Variants in TMEM98 observed in about 807,000 individuals in gnomAD.
The protein encoded by TMEM98 is transmembrane protein 98.
In TMEM98, 18 loss-of-function variants were observed where a neutral mutation model predicts 25.0. The ratio of observed to expected loss-of-function variants is 0.72; its 90% CI spans 0.50 to 1.07. The LOEUF (loss-of-function observed/expected upper bound fraction) is 1.07, where lower values mean the gene tolerates loss of function less well. Ranked by LOEUF, TMEM98 falls within the 50% of genes least tolerant of loss-of-function variation. The pLI, the probability that TMEM98 is intolerant of heterozygous loss-of-function variation, is 0.00. For synonymous variants in TMEM98, 103 were observed against 112.4 expected, an observed-to-expected ratio of 0.92 and a Z score of 0.53; for missense variants, 241 against 289.0, an observed-to-expected ratio of 0.83 and a Z score of 1.20.
chr17:32,941,222 C>T lies in TMEM98; in HGVS notation c.*229C>T, dbSNP rs908019788. The T allele has an allele frequency of 2.3e-5, 10 of 442,050 alleles. No individual in the cohort carries two copies. The highest frequency in any genetic ancestry group is 1.4e-4 in the African/African-American group (7 of 50,692). 27.4% of individuals were successfully genotyped at this position (442,050 alleles called of 1,614,324 possible). ...CTACAGTTAGGGGAGATGCCATTCA[C>T]TCTCTGCAAGAGGAGTATTGAAAAC... On this transcript the variant is annotated 3_prime_UTR_variant, in exon 8 of 8. Coordinates refer to ENST00000579849, the MANE Select transcript of TMEM98 (RefSeq NM_015544.3).
intron 4 of TMEM98, 105 bp from the exon 5 acceptor site, chr17:32,934,186 T>G (rs2091483834): frequency 7.8e-7 from 1 of 1,284,038 alleles, no homozygotes; most frequent in Non-Finnish European, 1.1e-6. Context: ...GTGGTTGGTA[T>G]TGGGCTGTGC....
In TMEM98 at chr17:32,940,852, G is replaced by T. The variant is rs759666021; in HGVS notation, c.540G>T (p.Thr180=). 2 of 1,614,022 alleles carry T rather than the reference G, an allele frequency of 1.2e-6. No homozygotes were observed. Among genetic ancestry groups the T allele is most frequent in the East Asian group, 4.5e-5 (2 of 44,888 alleles). The change falls in exon 8 of 8, where the codon ACG becomes ACT. Residue 180 remains threonine (T), a synonymous_variant. Coordinates refer to ENST00000579849, the MANE Select transcript of TMEM98 (RefSeq NM_015544.3). The part of the protein sequence containing the change: ...VLVTRNACHL[T]GGLDWIDQSL... ...TGACAAGGAATGCCTGCCATCTGAC[G>T]GGAGGCCTGGACTGGATTGACCAGT...
At position 32,941,089 on chromosome 17, in the gene TMEM98, T is replaced by C; in HGVS notation, c.*96T>C. 9.0e-7 allele frequency: 1 copy of C among 1,115,880 alleles called. No homozygotes were observed. The highest frequency in any genetic ancestry group is 1.3e-6 in the Non-Finnish European group (1 of 794,606). The allele number at this position is 1,115,880 out of a possible 1,614,324, so 69.1% of individuals were successfully genotyped here. On this transcript the variant is annotated 3_prime_UTR_variant, in exon 8 of 8. Coordinates refer to ENST00000579849, the MANE Select transcript of TMEM98 (RefSeq NM_015544.3). ...CTTTTTCCTATAGAGTTAGTTGTTC[T>C]CCACGGCTGGAGAGTTCAGCTGTGT...
At position 32,933,277 on chromosome 17, in the gene TMEM98, G is replaced by A; in HGVS notation, c.235G>A (p.Glu79Lys). 6.2e-7 allele frequency: 1 copy of A among 1,614,174 alleles called. No homozygotes were observed. The highest frequency in any genetic ancestry group is 8.5e-7 in the Non-Finnish European group (1 of 1,180,018). Reference protein sequence around the residue: ...ITNPHIEAILENEDWIEDASG... With the variant: ...ITNPHIEAILKNEDWIEDASG... ...CAACCCCCACATTGAGGCCATTCTG[G>A]AGAATGAAGACTGGATCGAAGATGC... The change falls in exon 4 of 8, where the codon GAG becomes AAG. Residue 79 changes from glutamate to lysine, a missense_variant. Coordinates refer to ENST00000579849, the MANE Select transcript of TMEM98 (RefSeq NM_015544.3).
At chr17:32,931,852 CCTT>C (rs2091471529) in intron 3 of TMEM98, among the ~76,000 whole-genome samples, 193 bp downstream of exon 3, 1 of 152,156 alleles carries the variant, frequency 6.6e-6, no homozygotes, top group Non-Finnish European at 1.5e-5. Flanking sequence ...TGAGTCACCT[CCTT>C]CTCTGCTTCC....
At chr17:32,932,656 T>G (rs371934480) in intron 3 of TMEM98, among the ~76,000 whole-genome samples, 1 of 152,174 alleles carries the variant, frequency 6.6e-6, no homozygotes, top group African/African-American at 2.4e-5. Context: ...TACCCTGTTG[T>G]AAAATTGGAG....
chr17:32,938,184 C>T (rs531685003), intron 6 of TMEM98, among the ~76,000 whole-genome samples: 1 of 152,304 alleles, frequency 6.6e-6, no homozygotes, highest in Admixed American at 6.5e-5. Context: ...CATAATTCAG[C>T]CAGGGTCCTG....
chr17:32,937,487 G>A (rs537351788), intron 6 of TMEM98, among the ~76,000 whole-genome samples: 2 of 152,164 alleles, frequency 1.3e-5, no homozygotes, highest in South Asian at 2.1e-4. Flanking sequence ...GCCTTCTCTG[G>A]AATTGCCTCC....
At chr17:32,936,217 A>T in intron 5 of TMEM98, 115 bp from the exon 6 acceptor site, 1 of 754,656 alleles carries the variant, frequency 1.3e-6, no homozygotes, top group Non-Finnish European at 2.2e-6. Flanking sequence ...TCTGGCCATT[A>T]GGTTGGGGGC....
chr17:32,931,492 G>A lies in TMEM98; in HGVS notation c.-37G>A. 1.9e-6 allele frequency: 3 copies of A among 1,597,408 alleles called. No individual in the cohort carries two copies. The highest frequency in any genetic ancestry group is 2.6e-6 in the Non-Finnish European group (3 of 1,172,048). ...CTCTCAAGCTTTAGCCCATGAGGAGGATGTGACCGGGACTGAGTCAGGAGC... is the reference window on the plus strand; with the variant it reads ...CTCTCAAGCTTTAGCCCATGAGGAGAATGTGACCGGGACTGAGTCAGGAGC... On this transcript the variant is annotated 5_prime_UTR_variant, in exon 3 of 8. Transcript: ENST00000579849.
intron 1 of TMEM98, among the ~76,000 whole-genome samples, chr17:32,928,953 G>T (rs1201948851): frequency 1.4e-5 from 2 of 142,472 alleles, no homozygotes. Flanking sequence ...CAAACATTCA[G>T]TTCACACACA....
intron 4 of TMEM98, among the ~76,000 whole-genome samples, chr17:32,934,051 C>T (rs1442364153): frequency 1.3e-5 from 2 of 152,154 alleles, no homozygotes; most frequent in African/African-American, 2.4e-5. Context: ...AAGCATGACT[C>T]GCTAGGCACA....
intron 7 of TMEM98, among the ~76,000 whole-genome samples, chr17:32,940,349 A>G (rs28993): frequency 1.1e-4 from 16 of 152,208 alleles, no homozygotes; most frequent in Admixed American, 7.2e-4. Flanking sequence ...CCAATTTGTA[A>G]TCAATAAGGA....
rs1304803741 is a variant in TMEM98 at position 32,943,887 on chromosome 17, T to C, written c.*2894T>C. 6.6e-6 allele frequency: 1 copy of C among 152,306 alleles called. No homozygotes were observed. The allele number at this position is 152,306 out of a possible 1,614,324, so 9.4% of individuals were successfully genotyped here. A position where few individuals can be genotyped will look rare whatever the true frequency, so the allele number is the denominator to read the frequency against. On this transcript the variant is annotated 3_prime_UTR_variant, in exon 8 of 8. Transcript: ENST00000579849. ...ATGGCTTGGTCCAAGCAGTGACTTC[T>C]GTTCATGGGCTCTGGAATTGAGTGG...
chr17:32,931,700 TA>T, intron 3 of TMEM98, 41 bp downstream of exon 3: 1 of 1,583,576 alleles, frequency 6.3e-7, no homozygotes, highest in Admixed American at 1.8e-5. Context: ...GGGTGGGCTC[TA>T]ACTAAAGAAA....
rs749443655 is a variant in TMEM98, at chr17:32,933,176, C to T, written c.134C>T (p.Pro45Leu). 1.1e-5 allele frequency: 17 copies of T among 1,614,032 alleles called. No homozygotes were observed. The highest frequency in any genetic ancestry group is 1.3e-5 in the African/African-American group (1 of 75,020). Residue 45 changes from proline (P) to leucine (L), a missense_variant and splice_region_variant, in exon 4 of 8, where the codon CCC (proline) becomes CTC (leucine). Transcript: ENST00000579849. ...TTAACGGGGGCCTTTTCTTCCAGGC[C>T]CATTGTGGACCTCATTGGTGCCATG... ...RDLLQRYDSKPIVDLIGAMET... is the reference protein window; with the variant it reads ...RDLLQRYDSKLIVDLIGAMET...
intron 6 of TMEM98, among the ~76,000 whole-genome samples, chr17:32,937,006 G>A (rs968199128): frequency 5.3e-5 from 8 of 152,362 alleles, no homozygotes; most frequent in African/African-American, 1.9e-4. Flanking sequence ...CAACCAGCAG[G>A]ATTGCAGTCA....
chr17:32,940,721 T>C, intron 7 of TMEM98, 65 bp from the exon 8 acceptor site: 4 of 1,490,164 alleles, frequency 2.7e-6, no homozygotes, highest in Non-Finnish European at 3.7e-6. Context: ...GTCTATCTAT[T>C]TGGGCTTTTG....
At position 32,942,031 on chromosome 17, in the gene TMEM98, G is replaced by A. The variant is rs901308875; in HGVS notation, c.*1038G>A. ...CATTCCAGCCTGGGCGACAGAGTGAGACCATGTCTCCAAAACATACATATA... is the reference window on the plus strand; with the variant it reads ...CATTCCAGCCTGGGCGACAGAGTGAAACCATGTCTCCAAAACATACATATA... On this transcript the variant is annotated 3_prime_UTR_variant, in exon 8 of 8. Coordinates refer to ENST00000579849, the MANE Select transcript of TMEM98 (RefSeq NM_015544.3). 3.3e-5 allele frequency: 5 copies of A among 152,160 alleles called. No individual in the cohort carries two copies. Among genetic ancestry groups the A allele is most frequent in the Admixed American group, 6.5e-5 (1 of 15,282 alleles). 9.4% of individuals were successfully genotyped at this position (152,160 alleles called of 1,614,324 possible).
Sources: gnomAD v4.1 joint callset for allele counts (sites outside exome capture counted in the v4.1 genomes callset) on GRCh38, gnomAD v4.1.1 for gene constraint, MANE v1.5 for transcripts, NCBI Gene and HGNC (gene_info 2026-07-23, HGNC 2026-07-21) for gene names.